GANAB: variants seen among roughly 807,000 people sequenced by gnomAD.
GANAB encodes the protein glucosidase II alpha subunit.
In GANAB, 35 loss-of-function variants were observed where a neutral mutation model predicts 129.9. That is an observed-to-expected ratio of 0.27 (90% CI 0.21 to 0.36). The LOEUF is 0.36. Among genes scored for constraint, GANAB ranks in the 10% least tolerant of loss-of-function variants. GANAB has a pLI of 1.00. For missense variants in GANAB, 939 were observed against 1,221.0 expected (o/e 0.77, Z 3.44); for synonymous variants, 482 against 451.8 (o/e 1.07, Z -0.85).
Position 62,634,370 on chromosome 11 carries a change from G to A in GANAB, c.560+451C>T, listed in dbSNP as rs182247032. 30 of 1,607,466 alleles carry A rather than the reference G, an allele frequency of 1.9e-5. No homozygotes were observed. The highest frequency in any genetic ancestry group is 2.2e-5 in the Non-Finnish European group (26 of 1,173,960). On this transcript the variant is annotated intron_variant, in intron 5 of 23. Coordinates refer to ENST00000356638, the MANE Select transcript of GANAB (RefSeq NM_198334.3). Reference sequence around the variant, plus strand: ...ACCAAGCGTGAGATTAACCTTATCCGAGAAACTGGGGCAGGAGGAGATGGG... The same window carrying A: ...ACCAAGCGTGAGATTAACCTTATCCAAGAAACTGGGGCAGGAGGAGATGGG...
chr11:62,635,189 C>A (rs796350710), intron 4 of GANAB, among the ~76,000 whole-genome samples, 189 bp from the exon 5 acceptor site: 15 of 145,354 alleles, frequency 1.0e-4, no homozygotes, highest in African/African-American at 3.5e-4. Flanking sequence ...TTACTTTTTT[C>A]TTTTTTTTTT....
intron 1 of GANAB, among the ~76,000 whole-genome samples, chr11:62,646,094 A>G (rs2134569558): frequency 1.3e-5 from 2 of 152,280 alleles, no homozygotes; most frequent in East Asian, 3.9e-4. Flanking sequence ...GAGGATTCGG[A>G]GCTCTACAGG....
chr11:62,632,302 A>C (rs1010418127), intron 9 of GANAB, among the ~76,000 whole-genome samples: 1 of 152,116 alleles, frequency 6.6e-6, no homozygotes, highest in Non-Finnish European at 1.5e-5. Flanking sequence ...AGTTAACACT[A>C]TATCCCCAGC....
chr11:62,629,807 C>T lies in GANAB; in HGVS notation c.1737+7G>A, dbSNP rs1943577296. 6.2e-7 allele frequency: 1 copy of T among 1,614,030 alleles called. No individual in the cohort carries two copies. The highest frequency in any genetic ancestry group is 1.3e-5 in the African/African-American group (1 of 74,946). Reference sequence around the variant, plus strand: ...TTTCCACCAACTCTCCTCTCTCAGGCCCTTACCACATAAAGGCCATAGATG... The same window carrying T: ...TTTCCACCAACTCTCCTCTCTCAGGTCCTTACCACATAAAGGCCATAGATG... On this transcript the variant is annotated splice_region_variant and intron_variant, in intron 14 of 23. Coordinates refer to ENST00000356638, the MANE Select transcript of GANAB (RefSeq NM_198334.3).
At chr11:62,638,312 C>G (rs984041217) in intron 4 of GANAB, among the ~76,000 whole-genome samples, 1 of 152,092 alleles carries the variant, frequency 6.6e-6, no homozygotes, top group African/African-American at 2.4e-5. Context: ...CACCACCACA[C>G]CTGGCTGATT....
In GANAB at chr11:62,627,119, C is replaced by T. The variant is rs1297643782; in HGVS notation, c.2251G>A (p.Ala751Thr). The change falls in exon 19 of 24, where the codon GCG becomes ACG. Residue 751 changes from alanine to threonine, a missense_variant. By Grantham distance (58) the Ala-to-Thr change is moderately conservative. Around this residue, in one of 5 missense-constraint regions of GANAB, gnomAD observed 230 missense variants for 259.9 expected, o/e 0.89. Transcript: ENST00000356638. Reference sequence around the variant, plus strand: ...TCTGATACAGGGTGAACCAGCAACGCATCCCCTAAAATATGCCAGAATCAA... The same window carrying T: ...TCTGATACAGGGTGAACCAGCAACGTATCCCCTAAAATATGCCAGAATCAA... ...NIDDQYLLGD[A>T]LLVHPVSDSG... 3.1e-6 allele frequency: 5 copies of T among 1,613,138 alleles called. No individual in the cohort carries two copies. In the Admixed American group the frequency reaches 8.3e-5, roughly 27 times the overall value.
chr11:62,642,717 G>A (rs1944322014), intron 1 of GANAB, among the ~76,000 whole-genome samples: 1 of 152,026 alleles, frequency 6.6e-6, no homozygotes, highest in Non-Finnish European at 1.5e-5. Flanking sequence ...CAGGCGTTGT[G>A]TCATCGCGCC....
In GANAB at chr11:62,634,148, C is replaced by T. The variant is rs11231168; in HGVS notation, c.561-634G>A. Among the ~76,000 whole-genome samples, 51,029 of 151,988 alleles carry T rather than the reference C, an allele frequency of 0.34. 10,832 individuals are homozygous for T. Among genetic ancestry groups the T allele is most frequent in the South Asian group, 0.53 (2,572 of 4,812 alleles). On this transcript the variant is annotated intron_variant, in intron 5 of 23. Transcript: ENST00000356638. ...TATCTCACCTTCCTTCTTCTGGGGG[C>T]TCCCAGCCAGGGTAACAGGTAACAG...
At chr11:62,637,471 C>A (rs538259872) in intron 4 of GANAB, among the ~76,000 whole-genome samples, 1 of 152,116 alleles carries the variant, frequency 6.6e-6, no homozygotes, top group South Asian at 2.1e-4. Flanking sequence ...CTTTATCTTG[C>A]GAAGCTGATC....
chr11:62,633,139 G>A (rs1431058040), intron 7 of GANAB, 38 bp from the exon 8 acceptor site: 1 of 1,599,592 alleles, frequency 6.3e-7, no homozygotes, highest in Admixed American at 1.7e-5. Flanking sequence ...GCTTCTGCTT[G>A]GAAAGGAGCC....
Position 62,626,093 on chromosome 11 carries a change from C to T in GANAB, c.2697G>A (p.Lys899=), listed in dbSNP as rs749062477. 6.2e-7 allele frequency: 1 copy of T among 1,613,698 alleles called. No individual in the cohort carries two copies. Among genetic ancestry groups the T allele is most frequent in the Non-Finnish European group, 8.5e-7 (1 of 1,179,548 alleles). ...IERVVIIGAG[K]PAAVVLQTKG... is the part of the protein sequence containing the mutation. ...TTGTCTGGAGTACCACAGCTGCTGG[C>T]TTTCCAGCCCCTATTATCACCACCC... The change falls in exon 23 of 24, where the codon AAG becomes AAA. Residue 899 remains lysine (K), a synonymous_variant. Coordinates refer to ENST00000356638, the MANE Select transcript of GANAB (RefSeq NM_198334.3).
At chr11:62,641,486 G>A (rs990491354) in intron 1 of GANAB, among the ~76,000 whole-genome samples, 1 of 151,510 alleles carries the variant, frequency 6.6e-6, no homozygotes, top group Non-Finnish European at 1.5e-5. Flanking sequence ...ACCCAAAGCT[G>A]AAAAAAAATA....
intron 1 of GANAB, 37 bp downstream of exon 1, chr11:62,646,525 G>A (rs1428371740): frequency 1.9e-6 from 3 of 1,609,062 alleles, no homozygotes; most frequent in African/African-American, 1.3e-5. Context: ...GGATCTGGGG[G>A]CGTCCCGGGC....
chr11:62,625,446 A>G lies in GANAB; in HGVS notation c.*369T>C, dbSNP rs1309853791. The G allele has an allele frequency of 2.5e-6, 1 of 396,794 alleles. No individual in the cohort carries two copies. Among genetic ancestry groups the G allele is most frequent in the Admixed American group, 3.2e-5 (1 of 30,916 alleles). 24.6% of individuals were successfully genotyped at this position (396,794 alleles called of 1,614,324 possible). A position where few individuals can be genotyped will look rare whatever the true frequency, so the allele number is the denominator to read the frequency against. Reference sequence around the variant, plus strand: ...CATCTTCTTCCAAGAAGTGGCATCAACATACAAGAGGCATGAATGGATAGA... The same window carrying G: ...CATCTTCTTCCAAGAAGTGGCATCAGCATACAAGAGGCATGAATGGATAGA... On this transcript the variant is annotated 3_prime_UTR_variant, in exon 24 of 24. Transcript: ENST00000356638.
chr11:62,630,503 C>G lies in GANAB; in HGVS notation c.1389G>C (p.Leu463=), dbSNP rs777051042. The change falls in exon 12 of 24, where the codon CTG becomes CTC. Residue 463 remains leucine, a splice_region_variant and synonymous_variant. Coordinates refer to ENST00000356638, the MANE Select transcript of GANAB (RefSeq NM_198334.3). ...LERLASKRRK[L]VAIVDPHIKV... ...TGATGTGGGGGTCTACGATGGCCAC[C>G]AGCTGGGGGCAAGGAACAGGGGTGT... The G allele has an allele frequency of 1.2e-6, 2 of 1,614,202 alleles. No individual in the cohort carries two copies. The highest frequency in any genetic ancestry group is 1.7e-6 in the Non-Finnish European group (2 of 1,180,040).
chr11:62,639,567 A>AT, intron 2 of GANAB, 60 bp downstream of exon 2: 1 of 1,452,554 alleles, frequency 6.9e-7, no homozygotes, highest in Non-Finnish European at 9.7e-7. Flanking sequence ...TCTGCCACAG[A>AT]TATCTCCCAC....
At chr11:62,626,989 T>C in intron 19 of GANAB, 55 bp from the exon 20 acceptor site, 1 of 1,574,282 alleles carries the variant, frequency 6.4e-7, no homozygotes, top group Non-Finnish European at 8.7e-7. Flanking sequence ...AGGGGTCCCG[T>C]CCTGTTTGCC....
intron 15 of GANAB, 59 bp downstream of exon 15, chr11:62,629,529 T>C: frequency 8.7e-7 from 1 of 1,145,368 alleles, no homozygotes; most frequent in South Asian, 1.4e-5. Context: ...TCCAGGTCCA[T>C]GGCTCCTGAG....
chr11:62,638,193 G>C (rs549953649), intron 4 of GANAB, among the ~76,000 whole-genome samples: 1 of 152,080 alleles, frequency 6.6e-6, no homozygotes, highest in African/African-American at 2.4e-5. Flanking sequence ...TCACTCTGTC[G>C]CCCAGGCTGT....
Sources: allele counts gnomAD v4.1 joint callset (sites outside exome capture counted in the v4.1 genomes callset), GRCh38; gene constraint gnomAD v4.1.1; regional missense constraint gnomAD v4.1.1; transcripts MANE v1.5; gene names NCBI Gene and HGNC (gene_info 2026-07-23, HGNC 2026-07-21).